TTLL5: variants seen among roughly 807,000 people sequenced by gnomAD.
The protein encoded by TTLL5 is tubulin tyrosine ligase like 5.
TTLL5 carries 132 observed loss-of-function variants against 168.4 expected under a neutral mutation model. The ratio of observed to expected loss-of-function variants is 0.78; its 90% confidence interval spans 0.68 to 0.91. The LOEUF is 0.91. TTLL5 is among the 40% of genes least tolerant of loss of function. TTLL5 has a pLI of 0.00. For synonymous variants in TTLL5, 546 were observed against 558.6 expected, an observed-to-expected ratio of 0.98 and a Z score of 0.32; for missense variants, 1,545 against 1,581.5, an observed-to-expected ratio of 0.98 and a Z score of 0.39.
At chr14:75,845,420 A>G (rs976042648) in intron 28 of TTLL5, among the ~76,000 whole-genome samples, 2 of 152,128 alleles carry the variant, frequency 1.3e-5, no homozygotes, top group Non-Finnish European at 2.9e-5. Context: ...TAGTACTTAC[A>G]CATTTTGGTA....
chr14:75,722,045 A>T (rs1421870655), intron 12 of TTLL5, among the ~76,000 whole-genome samples: 1 of 152,198 alleles, frequency 6.6e-6, no homozygotes, highest in African/African-American at 2.4e-5. Flanking sequence ...TTCTAAGGTA[A>T]CTCAGGTAAC....
chr14:75,897,261 T>C (rs886128076), intron 30 of TTLL5, among the ~76,000 whole-genome samples: 2 of 152,092 alleles, frequency 1.3e-5, no homozygotes, highest in African/African-American at 4.8e-5. Context: ...ACATGTAATA[T>C]TTAGGTAAAC....
rs115914334 is a variant in TTLL5, at chr14:75,821,504, A to G, written c.3326+1343A>G. Reference sequence around the variant, plus strand: ...ACATTTTCACTGCAATTTTGGATATAATGTCTGTATGACAAGGCTACAGGC... The same window carrying G: ...ACATTTTCACTGCAATTTTGGATATGATGTCTGTATGACAAGGCTACAGGC... On this transcript the variant is annotated intron_variant, in intron 28 of 31. Transcript: ENST00000298832. Among the ~76,000 whole-genome samples the G allele has an allele frequency of 5.1e-3, 771 of 152,344 alleles. 12 individuals carry two copies. Among genetic ancestry groups the G allele is most frequent in the African/African-American group, 0.017 (720 of 41,580 alleles).
rs184117566 is a variant in TTLL5, at chr14:75,674,170, A to G, written c.181+4648A>G. Among the ~76,000 whole-genome samples the G allele has an allele frequency of 1.3e-4, 20 of 151,440 alleles. No homozygotes were observed. The East Asian group carries it at 3.7e-3, about 28-fold the overall frequency. ...TTTACACATTCCTGTGATTAAAGAA[A>G]AAGCCACCAAACTTTTCTCAAATTC... On this transcript the variant is annotated intron_variant, in intron 3 of 31. Coordinates refer to ENST00000298832, the MANE Select transcript of TTLL5 (RefSeq NM_015072.5).
At position 75,773,927 on chromosome 14, in the gene TTLL5, T is replaced by TATAGAGAGAG. The variant is rs1354936334; in HGVS notation, c.2137-1556_2137-1555insTAGAGAGAGA. Among the ~76,000 whole-genome samples, 120 of 21,102 alleles carry TATAGAGAGAG rather than the reference T, an allele frequency of 5.7e-3. 3 individuals are homozygous for TATAGAGAGAG. The highest frequency in any genetic ancestry group is 7.4e-3 in the Non-Finnish European group (79 of 10,612). The allele number at this position is 21,102 out of a possible 152,430, so 13.8% of individuals were successfully genotyped here. ...AAATACATATATATATATATATATA[T>TATAGAGAGAG]AGAGAGAGAGAGAGAGAGAGAGAGA... On this transcript the variant is annotated intron_variant, in intron 21 of 31. Coordinates refer to ENST00000298832, the MANE Select transcript of TTLL5 (RefSeq NM_015072.5).
At chr14:75,863,089 C>T (rs2030164875) in intron 28 of TTLL5, among the ~76,000 whole-genome samples, 1 of 152,142 alleles carries the variant, frequency 6.6e-6, no homozygotes, top group Non-Finnish European at 1.5e-5. Context: ...AGTGGGGACC[C>T]TGTGAGGTAA....
chr14:75,948,195 T>C (rs2034838331), intron 31 of TTLL5, among the ~76,000 whole-genome samples: 1 of 151,924 alleles, frequency 6.6e-6, no homozygotes, highest in African/African-American at 2.4e-5. Flanking sequence ...AATTTAAAAA[T>C]CATAATTGGC....
chr14:75,809,988 A>G (rs1388787907), intron 27 of TTLL5, among the ~76,000 whole-genome samples: 1 of 152,096 alleles, frequency 6.6e-6, no homozygotes, highest in Admixed American at 6.5e-5. Context: ...TTAGGTTGAT[A>G]CCCAGCAGTG....
chr14:75,888,462 C>T lies in TTLL5; in HGVS notation c.3740+5560C>T, dbSNP rs114121449. Among the ~76,000 whole-genome samples, 559 of 152,312 alleles carry T rather than the reference C, an allele frequency of 3.7e-3. 4 individuals are homozygous for T. The highest frequency in any genetic ancestry group is 0.013 in the African/African-American group (541 of 41,568). On this transcript the variant is annotated intron_variant, in intron 30 of 31. Transcript: ENST00000298832. ...CTCGTCCTTCACCTGAGTATGAAAA[C>T]GCTTTTTTAAAAGATTTTGGCAGGA...
chr14:75,925,704 C>G (rs1422354090), intron 31 of TTLL5, among the ~76,000 whole-genome samples: 2 of 151,900 alleles, frequency 1.3e-5, no homozygotes, highest in Non-Finnish European at 2.9e-5. Flanking sequence ...GCAGGCGGCT[C>G]GGAGGTGGAG....
intron 27 of TTLL5, among the ~76,000 whole-genome samples, chr14:75,793,412 G>T (rs966725312): frequency 7.2e-5 from 11 of 151,882 alleles, no homozygotes; most frequent in African/African-American, 2.2e-4. Flanking sequence ...TCTTTTCTTT[G>T]GTAAAATTTT....
At chr14:75,804,301 A>G (rs1893524908) in intron 27 of TTLL5, among the ~76,000 whole-genome samples, 1 of 152,126 alleles carries the variant, frequency 6.6e-6, no homozygotes, top group Admixed American at 6.5e-5. Context: ...CAGCAGTTAA[A>G]CTCTCTCACT....
Position 75,775,632 on chromosome 14 carries a change from T to G in TTLL5, c.2283+2T>G. On this transcript the variant is annotated splice_donor_variant, in intron 22 of 31. Transcript: ENST00000298832. LOFTEE classifies it high-confidence loss of function. Reference sequence around the variant, plus strand: ...GACTTTATCATTGTATACAACAAGGTAAGTCTTTTTCTGTTAGTCTTGTGC... The same window carrying G: ...GACTTTATCATTGTATACAACAAGGGAAGTCTTTTTCTGTTAGTCTTGTGC... The G allele has an allele frequency of 1.2e-6, 2 of 1,613,952 alleles. No homozygotes were observed. Among genetic ancestry groups the G allele is most frequent in the Non-Finnish European group, 1.7e-6 (2 of 1,179,904 alleles).
At chr14:75,716,686 G>T (rs1280679449) in intron 9 of TTLL5, among the ~76,000 whole-genome samples, 1 of 152,086 alleles carries the variant, frequency 6.6e-6, no homozygotes, top group Non-Finnish European at 1.5e-5. Flanking sequence ...ATGTAAACAG[G>T]GGTTGATATC....
At chr14:75,794,752 T>C (rs1892909302) in intron 27 of TTLL5, among the ~76,000 whole-genome samples, 1 of 152,214 alleles carries the variant, frequency 6.6e-6, no homozygotes, top group African/African-American at 2.4e-5. Flanking sequence ...AGGGAGGTGC[T>C]GTAGGATGTA....
chr14:75,704,923 T>C (rs1403075044), intron 7 of TTLL5, among the ~76,000 whole-genome samples: 2 of 152,218 alleles, frequency 1.3e-5, no homozygotes, highest in African/African-American at 2.4e-5. Context: ...GGGCGTTAGA[T>C]GTGTCATGGA....
At chr14:75,690,426 C>T (rs925783002) in intron 6 of TTLL5, 104 bp downstream of exon 6, 64 of 1,374,840 alleles carry the variant, frequency 4.7e-5, no homozygotes, top group Non-Finnish European at 6.2e-5. Flanking sequence ...CTTTCCAAAT[C>T]CTTAGACAAC....
chr14:75,668,354 G>A (rs1883456994), intron 2 of TTLL5, among the ~76,000 whole-genome samples: 1 of 152,182 alleles, frequency 6.6e-6, no homozygotes, highest in South Asian at 2.1e-4. Flanking sequence ...ATGACCTTAG[G>A]CAGGTTACTT....
rs576101497 is a variant in TTLL5, at chr14:75,692,595, G to A, written c.502+2273G>A. On this transcript the variant is annotated intron_variant, in intron 6 of 31. Transcript: ENST00000298832. ...CGGTGGAAGCAGAGAGAAGAAACTG[G>A]TGGTCTCTTTGAAGGTTACTGCAGT... Among the ~76,000 whole-genome samples the A allele has an allele frequency of 6.6e-5, 10 of 152,254 alleles. No homozygotes were observed. The South Asian group carries it at 2.1e-3, about 32-fold the overall frequency.
Sources: gnomAD v4.1 joint callset for allele counts (sites outside exome capture counted in the v4.1 genomes callset) on GRCh38, gnomAD v4.1.1 for gene constraint, MANE v1.5 for transcripts, NCBI Gene and HGNC (gene_info 2026-07-23, HGNC 2026-07-21) for gene names.